AARS1: variants seen among roughly 807,000 people sequenced by gnomAD.
AARS1 encodes alanine--tRNA ligase, cytoplasmic.
In AARS1, 72 loss-of-function variants were observed where a neutral mutation model predicts 108.9. The ratio of observed to expected loss-of-function variants is 0.66; its 90% CI spans 0.55 to 0.80. AARS1 has a LOEUF of 0.80. AARS1 is among the 30% of genes least tolerant of loss of function. The pLI, the probability that AARS1 is intolerant of heterozygous loss-of-function variation, is 0.00. For missense variants in AARS1, 1,193 were observed against 1,233.2 expected, an observed-to-expected ratio of 0.97 and a Z score of 0.49; for synonymous variants, 489 against 465.7, an observed-to-expected ratio of 1.05 and a Z score of -0.64.
At position 70,252,796 on chromosome 16, in the gene AARS1, G is replaced by A. The variant is rs771037626; in HGVS notation, c.2832C>T (p.Asn944=). ...GCAGCGCCTCCTGCAGGCAGCCAAC[G>A]TTCTTGCCTGTGGCCTGTGCAGACA... ...KDVSAQATGK[N]VGCLQEALQL... is the part of the protein sequence containing the mutation. Residue 944 remains asparagine (N), a synonymous_variant, in exon 21 of 21, where the codon AAC becomes AAT. Transcript: ENST00000261772. 4 of 1,614,188 alleles carry A rather than the reference G, an allele frequency of 2.5e-6. No homozygotes were observed. Among genetic ancestry groups the A allele is most frequent in the Non-Finnish European group, 2.5e-6 (3 of 1,180,004 alleles).
At position 70,262,431 on chromosome 16, in the gene AARS1, A is replaced by G. The variant is rs754480580; in HGVS notation, c.1586T>C (p.Leu529Pro). 3.1e-6 allele frequency: 5 copies of G among 1,614,196 alleles called. No individual in the cohort carries two copies. Among genetic ancestry groups the G allele is most frequent in the East Asian group, 2.2e-5 (1 of 44,864 alleles). ...VSTGQECGVV[L>P]DKTCFYAEQG... Reference sequence around the variant, plus strand: ...CTCAGCATAGAAACAGGTCTTGTCCAGCACCACTCCACACTCCTGGCCTGT... The same window carrying G: ...CTCAGCATAGAAACAGGTCTTGTCCGGCACCACTCCACACTCCTGGCCTGT... The change falls in exon 12 of 21, where the codon CTG becomes CCG. Residue 529 changes from leucine to proline, a missense_variant. Physicochemically the swap from Leu to Pro is moderately conservative, Grantham distance 98. Transcript: ENST00000261772.
At chr16:70,265,187 A>G in intron 10 of AARS1, 85 bp from the exon 11 acceptor site, 11 of 1,531,010 alleles carry the variant, frequency 7.2e-6, no homozygotes, top group Non-Finnish European at 9.9e-6. Flanking sequence ...AACTATGCCC[A>G]GCATAAACTG....
chr16:70,289,482 C>T lies in AARS1; in HGVS notation c.-83G>A. ...AGTCCCCCGCCAAGGGCCCGCTGCA[C>T]CTATTCCCGCAGACGCGCAGCTGTA... On this transcript the variant is annotated 5_prime_UTR_variant, in exon 1 of 21. In the 5' UTR this introduces an upstream ATG that the reference lacks. Transcript: ENST00000261772. 1 of 441,202 alleles carries T rather than the reference C, an allele frequency of 2.3e-6. No individual in the cohort carries two copies. The highest frequency in any genetic ancestry group is 1.6e-5 in the South Asian group (1 of 62,668). The allele number at this position is 441,202 out of a possible 1,614,324, so 27.3% of individuals were successfully genotyped here.
Position 70,259,025 on chromosome 16 carries a change from G to C in AARS1, c.1947C>G (p.Ile649Met). ...CATTAGCAATCTCTTCAGCCTTCTT[G>C]ATCTGTTGGGTGGACATGGCTCCCT... ...TAKGAMSTQQ[I>M]KKAEEIANEM... The change falls in exon 14 of 21, where the codon ATC becomes ATG. Residue 649 changes from isoleucine to methionine, a missense_variant. By Grantham distance (10) the Ile-to-Met change is conservative. Transcript: ENST00000261772. 4 of 1,614,188 alleles carry C rather than the reference G, an allele frequency of 2.5e-6. No individual in the cohort carries two copies. Among genetic ancestry groups the C allele is most frequent in the Admixed American group, 1.7e-5 (1 of 60,014 alleles).
chr16:70,286,875 G>A (rs568184626), intron 1 of AARS1, among the ~76,000 whole-genome samples: 1 of 151,946 alleles, frequency 6.6e-6, no homozygotes, highest in Admixed American at 6.6e-5. Context: ...CAGCACTTTG[G>A]GGGGCCGAGG....
At chr16:70,257,073 C>A (rs1960008863) in intron 15 of AARS1, among the ~76,000 whole-genome samples, 1 of 151,960 alleles carries the variant, frequency 6.6e-6, no homozygotes, top group Non-Finnish European at 1.5e-5. Flanking sequence ...CAGGGTGAAA[C>A]CCCATCTCTA....
chr16:70,252,685 A>C lies in AARS1; in HGVS notation c.*36T>G. On this transcript the variant is annotated 3_prime_UTR_variant, in exon 21 of 21. Transcript: ENST00000261772. ...TAGCAGATGAAGAGCTCTTGGCTGG[A>C]CGGATGGATCCAGTGGGAGCCTCCT... 1 of 1,610,298 alleles carries C rather than the reference A, an allele frequency of 6.2e-7. No individual in the cohort carries two copies.
intron 2 of AARS1, among the ~76,000 whole-genome samples, chr16:70,277,973 G>A (rs1367281720): frequency 3.3e-5 from 5 of 151,796 alleles, no homozygotes; most frequent in East Asian, 1.9e-4. Flanking sequence ...GGCTGGTCTC[G>A]AACACCTAAC....
Position 70,265,018 on chromosome 16 carries a change from G to C in AARS1, c.1432C>G (p.Leu478Val), listed in dbSNP as rs767099595. The C allele has an allele frequency of 1.2e-6, 2 of 1,614,056 alleles. No homozygotes were observed. The highest frequency in any genetic ancestry group is 2.7e-5 in the African/African-American group (2 of 74,924). ...YAIEELRARG[L>V]EVTDDSPKYN... ...TTTGGGGAATCATCTGTGACCTCCA[G>C]ACCCCGTGCCCGGAGCTCTTCGATA... Residue 478 changes from leucine (L) to valine (V), a missense_variant, in exon 11 of 21, where the codon CTG (leucine) becomes GTG (valine). Leu to Val is a conservative substitution (Grantham distance 32). Coordinates refer to ENST00000261772, the MANE Select transcript of AARS1 (RefSeq NM_001605.3).
Position 70,253,288 on chromosome 16 carries a change from A to C in AARS1, c.2701T>G (p.Cys901Gly). The change falls in exon 20 of 21, where the codon TGC becomes GGC. Residue 901 changes from cysteine to glycine, a missense_variant. Physicochemically the swap from Cys to Gly is radical, Grantham distance 159. Coordinates refer to ENST00000261772, the MANE Select transcript of AARS1 (RefSeq NM_001605.3). The part of the protein sequence containing the change: ...TVDNEAGKIT[C>G]LCQVPQNAAN... The stretch of plus-strand genomic sequence containing the variant: ...CTGACCTGGGGAACTTGACACAGGC[A>C]CGTGATCTTGCCAGCCTCATTGTCC... 1 of 1,614,092 alleles carries C rather than the reference A, an allele frequency of 6.2e-7. No individual in the cohort carries two copies. The highest frequency in any genetic ancestry group is 2.2e-5 in the East Asian group (1 of 44,874).
At chr16:70,263,986 G>A (rs781780744) in intron 11 of AARS1, among the ~76,000 whole-genome samples, 4 of 151,938 alleles carry the variant, frequency 2.6e-5, no homozygotes, top group South Asian at 2.1e-4. Context: ...GATGGCTTAC[G>A]CCTGTAATCC....
rs569078214 is a variant in AARS1, at chr16:70,255,419, C to T, written c.2286+309G>A. The stretch of plus-strand genomic sequence containing the variant: ...TTCAGTATGTTGGTCAGGCTGGTCT[C>T]GAACTCTTGACCTAGTGATCCACCC... On this transcript the variant is annotated intron_variant, in intron 16 of 20. Transcript: ENST00000261772. 9.9e-5 allele frequency among the ~76,000 whole-genome samples: 15 copies of T among 152,108 alleles called. No individual in the cohort carries two copies. In the East Asian group the frequency reaches 2.1e-3, roughly 22 times the overall value.
intron 6 of AARS1, 78 bp from the exon 7 acceptor site, chr16:70,269,841 G>T: frequency 6.4e-7 from 1 of 1,572,212 alleles, no homozygotes; most frequent in Non-Finnish European, 8.7e-7. Context: ...GTTCCTGGAG[G>T]ATTGAGGAGC....
rs2152150186 is a variant in AARS1 at position 70,253,928 on chromosome 16, G to A, written c.2511C>T (p.Val837=). 1 of 1,614,230 alleles carries A rather than the reference G, an allele frequency of 6.2e-7. No homozygotes were observed. The highest frequency in any genetic ancestry group is 2.2e-5 in the East Asian group (1 of 44,886). Residue 837 remains valine, a synonymous_variant, in exon 18 of 21, where the codon GTC becomes GTT. Coordinates refer to ENST00000261772, the MANE Select transcript of AARS1 (RefSeq NM_001605.3). ...DDLDRASKAD[V]QKRVLEKTKQ... ...TGCTGCCAGGACTCACTCGTTTCTG[G>A]ACATCGGCTTTGCTGGCTCGGTCCA... is the stretch of plus-strand genomic sequence containing the variant.
At chr16:70,270,852 A>AG (rs1332780317) in intron 5 of AARS1, among the ~76,000 whole-genome samples, 4 of 110,188 alleles carry the variant, frequency 3.6e-5, no homozygotes, top group African/African-American at 1.9e-4. Flanking sequence ...AAAAAAAAAA[A>AG]AAAGAAAAGA....
At chr16:70,277,258 G>A (rs1029241602) in intron 2 of AARS1, 104 bp from the exon 3 acceptor site, 2 of 1,195,428 alleles carry the variant, frequency 1.7e-6, no homozygotes, top group Non-Finnish European at 2.5e-6. Flanking sequence ...TGCAGTTCAT[G>A]ATTAACATGC....
At chr16:70,252,977 G>T in intron 20 of AARS1, 71 bp from the exon 21 acceptor site, 1 of 1,508,948 alleles carries the variant, frequency 6.6e-7, no homozygotes. Context: ...GGGAAAGAAA[G>T]GATGGAGGAG....
At chr16:70,280,820 T>C (rs1008529177) in intron 2 of AARS1, among the ~76,000 whole-genome samples, 15 of 152,156 alleles carry the variant, frequency 9.9e-5, no homozygotes, top group African/African-American at 3.6e-4. Flanking sequence ...ACCTTTCAAA[T>C]GTCTTTTTCT....
At chr16:70,272,186 T>C (rs556560645) in intron 4 of AARS1, among the ~76,000 whole-genome samples, 1 of 151,644 alleles carries the variant, frequency 6.6e-6, no homozygotes, top group East Asian at 1.9e-4. Context: ...CTTCAGCAAG[T>C]ACTAATGCTA....
Sources: allele counts gnomAD v4.1 joint callset (sites outside exome capture counted in the v4.1 genomes callset), GRCh38; gene constraint gnomAD v4.1.1; transcripts MANE v1.5; gene names NCBI Gene and HGNC (gene_info 2026-07-23, HGNC 2026-07-21).